The following SEC24A variants were observed in gnomAD, a reference collection of about 807,000 sequenced individuals.
The protein encoded by SEC24A is SEC24 homolog A, COPII component.
Under a neutral mutation model 129.4 loss-of-function variants are expected in SEC24A, and 93 were observed. That is an observed-to-expected ratio of 0.72 (90% CI 0.61 to 0.85). SEC24A has a LOEUF of 0.85. Ranked by LOEUF, SEC24A falls within the 40% of genes least tolerant of loss-of-function variation. SEC24A has a pLI of 0.00. For synonymous variants in SEC24A, 460 were observed against 467.3 expected, an observed-to-expected ratio of 0.98 and a Z score of 0.20; for missense variants, 1,264 against 1,307.4, an observed-to-expected ratio of 0.97 and a Z score of 0.51.
chr5:134,659,778 A>C (rs1750384591), intron 1 of SEC24A, among the ~76,000 whole-genome samples: 1 of 151,642 alleles, frequency 6.6e-6, no homozygotes, highest in South Asian at 2.1e-4. Context: ...CTCAGCCCCA[A>C]GTAGCTGGGA....
Position 134,676,054 on chromosome 5 carries a change from C to T in SEC24A, c.1183C>T (p.Gln395Ter). 1 of 1,612,806 alleles carries T rather than the reference C, an allele frequency of 6.2e-7. No homozygotes were observed. The highest frequency in any genetic ancestry group is 8.5e-7 in the Non-Finnish European group (1 of 1,179,426). The change falls in exon 7 of 23, where the codon CAG becomes TAG. Residue 395 changes from glutamine to a stop codon, truncating the protein, a stop_gained. Coordinates refer to ENST00000398844, the MANE Select transcript of SEC24A (RefSeq NM_021982.3). LOFTEE classifies it high-confidence loss of function. ...LFRCTLTSIP[Q>*]TQALLNKAKL... Reference sequence around the variant, plus strand: ...TCGATGCACGCTGACTAGCATTCCTCAGACGCAGGCCTTATTGAATAAAGC... The same window carrying T: ...TCGATGCACGCTGACTAGCATTCCTTAGACGCAGGCCTTATTGAATAAAGC...
At chr5:134,690,027 T>C (rs1751587199) in intron 11 of SEC24A, among the ~76,000 whole-genome samples, 1 of 151,466 alleles carries the variant, frequency 6.6e-6, no homozygotes, top group East Asian at 1.9e-4. Context: ...ATTATTACAT[T>C]TTTTTTTTGA....
At chr5:134,663,157 G>A (rs1750532360) in intron 2 of SEC24A, among the ~76,000 whole-genome samples, 1 of 152,080 alleles carries the variant, frequency 6.6e-6, no homozygotes, top group African/African-American at 2.4e-5. Flanking sequence ...CAATCCTAGT[G>A]TCATCAAACT....
intron 22 of SEC24A, among the ~76,000 whole-genome samples, chr5:134,724,182 A>T (rs558601393): frequency 1.3e-5 from 2 of 152,250 alleles, no homozygotes; most frequent in East Asian, 3.9e-4. Flanking sequence ...TACTTATATG[A>T]GTTCAACTTT....
At chr5:134,696,943 T>C (rs73297312) in intron 13 of SEC24A, among the ~76,000 whole-genome samples, 183 bp from the exon 14 acceptor site, 107 of 152,000 alleles carry the variant, frequency 7.0e-4, no homozygotes, top group African/African-American at 2.4e-3. Context: ...TTACAGAAAA[T>C]TCCTAAGCAG....
intron 19 of SEC24A, among the ~76,000 whole-genome samples, chr5:134,716,481 A>C (rs1357225210): frequency 6.6e-6 from 1 of 151,290 alleles, no homozygotes; most frequent in Non-Finnish European, 1.5e-5. Flanking sequence ...AAAAAAAAAA[A>C]AAAAACCTTT....
chr5:134,682,015 G>T (rs571859797), intron 8 of SEC24A, among the ~76,000 whole-genome samples: 24 of 152,274 alleles, frequency 1.6e-4, no homozygotes, highest in African/African-American at 5.5e-4. Flanking sequence ...GCCAAGGCGG[G>T]CGGATCACCT....
chr5:134,723,430 C>CTCCAA lies in SEC24A; in HGVS notation c.3064-133_3064-132insATCCA. 5.2e-6 allele frequency: 3 copies of CTCCAA among 573,054 alleles called. No individual in the cohort carries two copies. The South Asian group carries it at 7.1e-5, about 14-fold the overall frequency. The allele number at this position is 573,054 out of a possible 1,614,324, so 35.5% of individuals were successfully genotyped here. A position where few individuals can be genotyped will look rare whatever the true frequency, so the allele number is the denominator to read the frequency against. ...AGTGAGCCATGATTATGCCACTGCACTCCAGCCTGTCAACAGAGGCCTTGT... is the reference window on the plus strand; with the variant it reads ...AGTGAGCCATGATTATGCCACTGCACTCCAATCCAGCCTGTCAACAGAGGCCTTGT... On this transcript the variant is annotated intron_variant, in intron 21 of 22. Coordinates refer to ENST00000398844, the MANE Select transcript of SEC24A (RefSeq NM_021982.3).
At chr5:134,701,689 T>G (rs924463551) in intron 15 of SEC24A, among the ~76,000 whole-genome samples, 4 of 152,044 alleles carry the variant, frequency 2.6e-5, no homozygotes, top group Admixed American at 2.6e-4. Context: ...TTTTGTATTT[T>G]TAGTAGAGAC....
intron 6 of SEC24A, 109 bp downstream of exon 6, chr5:134,675,326 T>C (rs1751022591): frequency 6.2e-6 from 5 of 808,532 alleles, no homozygotes; most frequent in Non-Finnish European, 7.6e-6. Context: ...TTTATGAAAG[T>C]TCTGGATACA....
At position 134,686,815 on chromosome 5, in the gene SEC24A, A is replaced by T. The variant is rs1343181558; in HGVS notation, c.1517A>T (p.Tyr506Phe). ...TTACGACCACCTCAGCCTCCAGTGTATCTCTTTGTATTTGATGTGTCTCAC... is the reference window on the plus strand; with the variant it reads ...TTACGACCACCTCAGCCTCCAGTGTTTCTCTTTGTATTTGATGTGTCTCAC... ...YMLRPPQPPV[Y>F]LFVFDVSHNA... The change falls in exon 10 of 23, where the codon TAT becomes TTT. Residue 506 changes from tyrosine (Y) to phenylalanine (F), a missense_variant. Transcript: ENST00000398844. The T allele has an allele frequency of 2.5e-6, 4 of 1,606,440 alleles. No individual in the cohort carries two copies. Among genetic ancestry groups the T allele is most frequent in the Non-Finnish European group, 3.4e-6 (4 of 1,176,910 alleles).
chr5:134,652,477 G>A (rs1193611848), intron 1 of SEC24A, among the ~76,000 whole-genome samples: 1 of 151,086 alleles, frequency 6.6e-6, no homozygotes, highest in African/African-American at 2.4e-5. Context: ...GTAGAGACGG[G>A]GTTTCGCCAC....
intron 9 of SEC24A, among the ~76,000 whole-genome samples, chr5:134,683,966 G>A (rs2150089444): frequency 6.6e-6 from 1 of 152,202 alleles, no homozygotes; most frequent in African/African-American, 2.4e-5. Context: ...TATCTCTTGG[G>A]AAAAGGGAAT....
chr5:134,689,621 C>G (rs866037353), intron 11 of SEC24A, among the ~76,000 whole-genome samples: 1 of 151,940 alleles, frequency 6.6e-6, no homozygotes, highest in Non-Finnish European at 1.5e-5. Context: ...ATTAGTTGGG[C>G]GTGGTGGTGC....
intron 20 of SEC24A, among the ~76,000 whole-genome samples, chr5:134,718,524 A>G (rs758659431): frequency 2.0e-5 from 3 of 152,168 alleles, no homozygotes; most frequent in African/African-American, 7.2e-5. Flanking sequence ...TGACATCTCT[A>G]TGCATGTTAC....
intron 15 of SEC24A, among the ~76,000 whole-genome samples, chr5:134,699,739 G>A (rs1460767538): frequency 1.6e-5 from 2 of 123,620 alleles, no homozygotes; most frequent in African/African-American, 6.4e-5. Context: ...TCACTCTCTC[G>A]CCCAGGCTGG....
chr5:134,667,189 A>T (rs1301006722), intron 3 of SEC24A, among the ~76,000 whole-genome samples, 193 bp downstream of exon 3: 1 of 152,134 alleles, frequency 6.6e-6, no homozygotes, highest in Non-Finnish European at 1.5e-5. Context: ...TGTGACTACC[A>T]TTGGGAAAAA....
chr5:134,658,759 A>C (rs927004237), intron 1 of SEC24A, among the ~76,000 whole-genome samples: 7 of 152,276 alleles, frequency 4.6e-5, no homozygotes, highest in African/African-American at 1.7e-4. Flanking sequence ...CATTTACTGG[A>C]AAACAGACGA....
intron 15 of SEC24A, 146 bp from the exon 16 acceptor site, chr5:134,703,613 G>C: frequency 1.7e-6 from 1 of 587,496 alleles, no homozygotes; most frequent in Non-Finnish European, 3.0e-6. Context: ...CATTTCAAAA[G>C]CCATCTGTTA....
Sources: gnomAD v4.1 joint callset for allele counts (sites outside exome capture counted in the v4.1 genomes callset) on GRCh38, gnomAD v4.1.1 for gene constraint, MANE v1.5 for transcripts, NCBI Gene and HGNC (gene_info 2026-07-23, HGNC 2026-07-21) for gene names.